Variants in RFWD3 observed in about 807,000 individuals in gnomAD.
RFWD3 encodes the protein ring finger and WD repeat domain 3.
A neutral mutation model predicts 87.7 loss-of-function variants in RFWD3; 65 were observed. That is an observed-to-expected ratio of 0.74 (90% confidence interval 0.61 to 0.91). The LOEUF is 0.91. Ranked by LOEUF, RFWD3 falls within the 40% of genes least tolerant of loss-of-function variation. The probability of loss-of-function intolerance (pLI) is 0.00; values close to 1 mark genes in which losing one functional copy is unlikely to be tolerated. For synonymous variants in RFWD3, 433 were observed against 352.8 expected (o/e 1.23, Z -2.55); for missense variants, 1,078 against 938.5 (o/e 1.15, Z -1.94).
chr16:74,631,846 C>T (rs1036747080), intron 9 of RFWD3, among the ~76,000 whole-genome samples: 1 of 152,052 alleles, frequency 6.6e-6, no homozygotes, highest in African/African-American at 2.4e-5. Flanking sequence ...GTCTCAAACC[C>T]CTGACCTCAG....
intron 9 of RFWD3, 70 bp downstream of exon 9, chr16:74,632,453 C>T (rs1597415418): frequency 1.3e-6 from 2 of 1,523,628 alleles, no homozygotes; most frequent in South Asian, 1.2e-5. Context: ...GTCATCATAA[C>T]ACCGATACGA....
intron 9 of RFWD3, among the ~76,000 whole-genome samples, chr16:74,631,405 G>A (rs911323451): frequency 6.6e-6 from 1 of 151,998 alleles, no homozygotes; most frequent in Non-Finnish European, 1.5e-5. Flanking sequence ...CCTGGGATGC[G>A]GAAGTTGCAG....
intron 2 of RFWD3, among the ~76,000 whole-genome samples, chr16:74,655,141 C>T (rs955362394): frequency 1.3e-5 from 2 of 152,182 alleles, no homozygotes; most frequent in African/African-American, 4.8e-5. Flanking sequence ...CCACGTAGGA[C>T]TTTTGCAGCT....
chr16:74,640,800 G>A (rs994262305), intron 6 of RFWD3, among the ~76,000 whole-genome samples: 6 of 151,942 alleles, frequency 3.9e-5, no homozygotes, highest in East Asian at 2.0e-4. Flanking sequence ...TTAGCCAGGC[G>A]TGGTGGCGGG....
intron 7 of RFWD3, 123 bp from the exon 8 acceptor site, chr16:74,636,700 T>C: frequency 1.3e-6 from 1 of 759,856 alleles, no homozygotes; most frequent in Non-Finnish European, 2.1e-6. Flanking sequence ...ACATGAATCC[T>C]AGAGAACTGC....
chr16:74,636,618 T>A (rs774078573), intron 7 of RFWD3, 41 bp from the exon 8 acceptor site: 1 of 1,395,544 alleles, frequency 7.2e-7, no homozygotes, highest in Middle Eastern at 2.4e-4. Context: ...GCTTTTTAAT[T>A]TGATATTCCC....
intron 2 of RFWD3, among the ~76,000 whole-genome samples, chr16:74,653,212 T>C (rs908214016): frequency 4.0e-5 from 6 of 151,820 alleles, no homozygotes; most frequent in African/African-American, 1.5e-4. Flanking sequence ...GGTGGTGTGC[T>C]CCTGTAGTTC....
rs1482010464 is a variant in RFWD3, at chr16:74,644,843, A to G, written c.793-108T>C. The G allele has an allele frequency of 5.1e-6, 5 of 981,444 alleles. No individual in the cohort carries two copies. In the Admixed American group the frequency reaches 1.0e-4, roughly 20 times the overall value. 60.8% of individuals were successfully genotyped at this position (981,444 alleles called of 1,614,324 possible). A position where few individuals can be genotyped will look rare whatever the true frequency, so the allele number is the denominator to read the frequency against. On this transcript the variant is annotated intron_variant, in intron 4 of 12. Transcript: ENST00000361070. ...AAGTGCAAAAAAAATGATACAATCAAAAGGGCTACAGAACACTTGTAACAC... is the reference window on the plus strand; with the variant it reads ...AAGTGCAAAAAAAATGATACAATCAGAAGGGCTACAGAACACTTGTAACAC...
At position 74,636,452 on chromosome 16, in the gene RFWD3, C is replaced by T. The variant is rs750147212; in HGVS notation, c.1320G>A (p.Lys440=). 6.2e-7 allele frequency: 1 copy of T among 1,614,144 alleles called. No individual in the cohort carries two copies. Residue 440 remains lysine (K), a synonymous_variant, in exon 8 of 13, where the codon AAG becomes AAA. Transcript: ENST00000361070. Reference sequence around the variant, plus strand: ...TTCCTGCCTGAGATACTGTGAAGGTCTTTTGGAAGTGGTACTTGTGCTTGT... The same window carrying T: ...TTCCTGCCTGAGATACTGTGAAGGTTTTTTGGAAGTGGTACTTGTGCTTGT... ...GQHKHKYHFQ[K]TFTVSQAGNC... is the part of the protein sequence containing the mutation.
At chr16:74,624,100 A>G in intron 12 of RFWD3, 29 bp from the exon 13 acceptor site, 1 of 1,609,834 alleles carries the variant, frequency 6.2e-7, no homozygotes, top group Non-Finnish European at 8.5e-7. Context: ...GGGAAGGGTC[A>G]GGAGTCAGTC....
intron 12 of RFWD3, among the ~76,000 whole-genome samples, chr16:74,624,919 T>C (rs1380911815): frequency 6.6e-6 from 1 of 151,776 alleles, no homozygotes; most frequent in Non-Finnish European, 1.5e-5. Flanking sequence ...AGCTGAGGAG[T>C]TTGAGGCTAC....
chr16:74,640,327 G>A (rs991279231), intron 6 of RFWD3, among the ~76,000 whole-genome samples: 1 of 151,700 alleles, frequency 6.6e-6, no homozygotes, highest in Admixed American at 6.6e-5. Flanking sequence ...TGTATTCTTA[G>A]TAGAGACACG....
intron 4 of RFWD3, among the ~76,000 whole-genome samples, chr16:74,648,752 GC>G (rs1479997563): frequency 1.3e-5 from 2 of 151,564 alleles, no homozygotes; most frequent in Non-Finnish European, 2.9e-5. Context: ...TCCACCCTGG[GC>G]AACAGAGTGA....
intron 2 of RFWD3, among the ~76,000 whole-genome samples, chr16:74,656,133 C>CA (rs954484251): frequency 4.0e-5 from 6 of 151,804 alleles, no homozygotes; most frequent in South Asian, 2.1e-4. Context: ...AACATCTCTA[C>CA]AAAAAACAGA....
intron 1 of RFWD3, among the ~76,000 whole-genome samples, chr16:74,664,180 G>C (rs1288459691): frequency 6.6e-6 from 1 of 151,990 alleles, no homozygotes; most frequent in Non-Finnish European, 1.5e-5. Context: ...TCAACTCCTC[G>C]GCTCAAGCAA....
chr16:74,656,190 C>T (rs1960960547), intron 2 of RFWD3, among the ~76,000 whole-genome samples: 2 of 151,180 alleles, frequency 1.3e-5, no homozygotes, highest in South Asian at 4.2e-4. Context: ...CCCAGCTACT[C>T]TGTAGGCTGA....
chr16:74,628,356 T>TA, intron 11 of RFWD3, 96 bp downstream of exon 11: 1 of 1,164,992 alleles, frequency 8.6e-7, no homozygotes, highest in East Asian at 2.4e-5. Flanking sequence ...CTGTGAGCGG[T>TA]ACCACAGCCA....
chr16:74,643,782 T>C (rs1158589091), intron 6 of RFWD3, among the ~76,000 whole-genome samples: 3 of 151,232 alleles, frequency 2.0e-5, no homozygotes, highest in African/African-American at 7.3e-5. Context: ...TTCACGCCAT[T>C]CTCCTGTCTC....
chr16:74,637,751 A>G (rs927846661), intron 7 of RFWD3, 105 bp downstream of exon 7: 7 of 801,372 alleles, frequency 8.7e-6, no homozygotes, highest in Non-Finnish European at 1.4e-5. Context: ...CATTTCCTAA[A>G]CAACTTGGCA....
Sources: allele counts gnomAD v4.1 joint callset (sites outside exome capture counted in the v4.1 genomes callset), GRCh38; gene constraint gnomAD v4.1.1; transcripts MANE v1.5; gene names NCBI Gene and HGNC (gene_info 2026-07-23, HGNC 2026-07-21).